Variants in CADPS2 observed in about 807,000 individuals in gnomAD.
The protein encoded by CADPS2 is calcium dependent secretion activator 2.
A neutral mutation model predicts 172.5 loss-of-function variants in CADPS2; 93 were observed. The ratio of observed to expected loss-of-function variants is 0.54; its 90% confidence interval spans 0.46 to 0.64. The LOEUF is 0.64. Ranked by LOEUF, CADPS2 falls within the 30% of genes least tolerant of loss-of-function variation. The pLI is 0.00. For missense variants in CADPS2, 1,420 were observed against 1,565.9 expected (o/e 0.91, Z 1.57); for synonymous variants, 546 against 555.2 (o/e 0.98, Z 0.23).
intron 6 of CADPS2, among the ~76,000 whole-genome samples, chr7:122,607,478 T>C (rs1284433736): frequency 6.6e-6 from 1 of 152,128 alleles, no homozygotes; most frequent in Non-Finnish European, 1.5e-5. Flanking sequence ...AAAAGACTTT[T>C]CCGAAAAAAC....
chr7:122,819,578 C>T (rs1258980725), intron 1 of CADPS2, among the ~76,000 whole-genome samples: 1 of 152,010 alleles, frequency 6.6e-6, no homozygotes, highest in Non-Finnish European at 1.5e-5. Context: ...TATTGACAGC[C>T]AGGCTTCTAA....
chr7:122,419,711 A>T (rs2048329889), intron 17 of CADPS2, among the ~76,000 whole-genome samples: 1 of 152,116 alleles, frequency 6.6e-6, no homozygotes, highest in African/African-American at 2.4e-5. Flanking sequence ...TATTGCACTT[A>T]TATATTGCAT....
intron 1 of CADPS2, among the ~76,000 whole-genome samples, chr7:122,877,188 A>T (rs893321296): frequency 6.6e-6 from 1 of 152,150 alleles, no homozygotes; most frequent in African/African-American, 2.4e-5. Context: ...CTATTAATAC[A>T]AAAAAAGGAA....
intron 16 of CADPS2, among the ~76,000 whole-genome samples, chr7:122,441,044 C>T (rs1309113481): frequency 6.6e-6 from 1 of 151,668 alleles, no homozygotes; most frequent in African/African-American, 2.4e-5. Flanking sequence ...AACACATACA[C>T]TGGAATAATT....
intron 1 of CADPS2, among the ~76,000 whole-genome samples, chr7:122,882,566 T>C (rs945680535): frequency 1.3e-5 from 2 of 151,970 alleles, no homozygotes; most frequent in Non-Finnish European, 2.9e-5. Context: ...TCTTCTATGT[T>C]GGTCATTATG....
intron 6 of CADPS2, among the ~76,000 whole-genome samples, chr7:122,597,257 A>G (rs1197104165): frequency 6.6e-6 from 1 of 152,124 alleles, no homozygotes; most frequent in Non-Finnish European, 1.5e-5. Context: ...AAAAATAGAA[A>G]CACTAATAAG....
At chr7:122,797,910 G>A (rs1796746386) in intron 1 of CADPS2, among the ~76,000 whole-genome samples, 1 of 151,728 alleles carries the variant, frequency 6.6e-6, no homozygotes, top group African/African-American at 2.4e-5. Flanking sequence ...ATGAATGTAT[G>A]ATTTTAACTC....
chr7:122,414,928 C>T (rs1180767136), intron 18 of CADPS2, among the ~76,000 whole-genome samples: 2 of 152,142 alleles, frequency 1.3e-5, no homozygotes, highest in Admixed American at 6.5e-5. Flanking sequence ...AGAATAAAAG[C>T]ACTGTCAGGG....
At chr7:122,323,839 G>A (rs200075482) in intron 29 of CADPS2, among the ~76,000 whole-genome samples, 1 of 132,108 alleles carries the variant, frequency 7.6e-6, no homozygotes, top group African/African-American at 2.9e-5. Context: ...TTATGTATGT[G>A]TATATATATG....
chr7:122,673,445 C>T lies in CADPS2; in HGVS notation c.454-9876G>A, dbSNP rs2082073562. Among the ~76,000 whole-genome samples the T allele has an allele frequency of 2.0e-5, 3 of 152,164 alleles. No homozygotes were observed. The South Asian group carries it at 6.2e-4, about 32-fold the overall frequency. Reference sequence around the variant, plus strand: ...CCTCTAGCTGGACATAAAAGTTCTCCAAGTCCCCACTAGATTAGCTAGATA... The same window carrying T: ...CCTCTAGCTGGACATAAAAGTTCTCTAAGTCCCCACTAGATTAGCTAGATA... On this transcript the variant is annotated intron_variant, in intron 2 of 29. Transcript: ENST00000449022.
In CADPS2 at chr7:122,641,691, T is replaced by C. The variant is rs147678502; in HGVS notation, c.787-12363A>G. On this transcript the variant is annotated intron_variant, in intron 3 of 29. Transcript: ENST00000449022. ...CTTACACTTACAGAGATTTTCTAAA[T>C]TCTTTGTAAAGGAACACTAAAACAC... Among the ~76,000 whole-genome samples the C allele has an allele frequency of 3.0e-3, 458 of 152,268 alleles. 2 individuals carry two copies. The highest frequency in any genetic ancestry group is 5.3e-3 in the Non-Finnish European group (362 of 68,022).
intron 14 of CADPS2, among the ~76,000 whole-genome samples, chr7:122,460,889 G>A (rs1448589924): frequency 6.6e-6 from 1 of 152,180 alleles, no homozygotes; most frequent in African/African-American, 2.4e-5. Flanking sequence ...GAGCTGAAGA[G>A]AGAACTGAAG....
chr7:122,584,869 T>C (rs569731964), intron 6 of CADPS2, among the ~76,000 whole-genome samples: 5 of 152,028 alleles, frequency 3.3e-5, no homozygotes, highest in African/African-American at 1.2e-4. Context: ...CTGCATAATA[T>C]TGATCATGTA....
intron 2 of CADPS2, among the ~76,000 whole-genome samples, chr7:122,706,608 GAGAT>G (rs773747288): frequency 3.5e-4 from 51 of 146,368 alleles, no homozygotes; most frequent in Non-Finnish European, 5.8e-4. Context: ...ACACACTTAA[GAGAT>G]AGGTTGTGTG....
At chr7:122,685,657 TC>T (rs1175708788) in intron 2 of CADPS2, among the ~76,000 whole-genome samples, 2 of 152,218 alleles carry the variant, frequency 1.3e-5, no homozygotes, top group Non-Finnish European at 2.9e-5. Context: ...TTTCTATTTT[TC>T]TCCACAGCAC....
intron 25 of CADPS2, chr7:122,378,897 G>A (rs78666096): frequency 0.015 from 2,354 of 154,438 alleles, 30 homozygotes; most frequent in Non-Finnish European, 0.023. Flanking sequence ...TTCATCAAAG[G>A]TATTTTGAGC....
At chr7:122,740,104 C>T (rs1191749004) in intron 1 of CADPS2, among the ~76,000 whole-genome samples, 1 of 152,042 alleles carries the variant, frequency 6.6e-6, no homozygotes, top group African/African-American at 2.4e-5. Flanking sequence ...GGATATAGAC[C>T]ACAGGATCTC....
chr7:122,610,544 C>CT (rs1298374337), intron 6 of CADPS2, among the ~76,000 whole-genome samples: 2 of 151,940 alleles, frequency 1.3e-5, no homozygotes, highest in Non-Finnish European at 2.9e-5. Context: ...TTTCCTGGAA[C>CT]TGAGAGTGGG....
At chr7:122,541,507 A>AT (rs1225210451) in intron 8 of CADPS2, among the ~76,000 whole-genome samples, 1 of 110,828 alleles carries the variant, frequency 9.0e-6, no homozygotes, top group African/African-American at 3.5e-5. Context: ...TGCCCAGCCA[A>AT]TTTTTGTTTT....
Sources: gnomAD v4.1 joint callset for allele counts (sites outside exome capture counted in the v4.1 genomes callset) on GRCh38, gnomAD v4.1.1 for gene constraint, MANE v1.5 for transcripts, NCBI Gene and HGNC (gene_info 2026-07-23, HGNC 2026-07-21) for gene names.